The following DDX56 variants were observed in gnomAD, a reference collection of about 807,000 sequenced individuals.
DDX56 encodes the protein DEAD-box helicase 56, also known as probable ATP-dependent RNA helicase DDX56.
Under a neutral mutation model 61.5 loss-of-function variants are expected in DDX56, and 45 were observed. The ratio of observed to expected loss-of-function variants is 0.73; its 90% confidence interval spans 0.58 to 0.94. The LOEUF is 0.94. Among genes scored for constraint, DDX56 ranks in the 40% least tolerant of loss-of-function variants. DDX56 has a pLI of 0.00. For missense variants in DDX56, 708 were observed against 690.7 expected (o/e 1.02, Z -0.28); for synonymous variants, 273 against 268.3 (o/e 1.02, Z -0.17).
intron 5 of DDX56, 31 bp from the exon 6 acceptor site, chr7:44,571,767 A>G (rs1397504139): frequency 1.2e-6 from 2 of 1,611,592 alleles, no homozygotes; most frequent in Non-Finnish European, 1.7e-6. Flanking sequence ...GTGGTCAGAA[A>G]GGAAAAGAAC....
intron 5 of DDX56, 71 bp from the exon 6 acceptor site, chr7:44,571,807 C>T (rs1251444267): frequency 2.4e-5 from 38 of 1,579,830 alleles, no homozygotes; most frequent in South Asian, 5.6e-5. Flanking sequence ...TACTCACCAA[C>T]CAAAGCATCA....
In DDX56 at chr7:44,570,187, C is replaced by T. The variant is rs769585515; in HGVS notation, c.1011-59G>A. ...CCTCTCCTCTGGGCACGTATTCACA[C>T]GCTGAATCAGCAAAACTTCCTCTAA... On this transcript the variant is annotated intron_variant, in intron 7 of 13. Coordinates refer to ENST00000258772, the MANE Select transcript of DDX56 (RefSeq NM_019082.4). The T allele has an allele frequency of 4.5e-5, 71 of 1,585,988 alleles. No individual in the cohort carries two copies. In the Middle Eastern group the frequency reaches 8.6e-4, roughly 19 times the overall value.
chr7:44,566,174 G>A (rs1355621558), intron 13 of DDX56, 95 bp from the exon 14 acceptor site: 48 of 729,594 alleles, frequency 6.6e-5, no homozygotes, highest in African/African-American at 1.0e-4. Context: ...AAAGGGAGCC[G>A]TGCCGGCAAC....
intron 6 of DDX56, among the ~76,000 whole-genome samples, chr7:44,571,098 G>A (rs920760133): frequency 3.3e-5 from 5 of 152,180 alleles, no homozygotes; most frequent in African/African-American, 1.2e-4. Context: ...GAGTGCAATG[G>A]CACGATCTTG....
intron 13 of DDX56, 173 bp downstream of exon 13, chr7:44,566,275 T>C (rs1414577699): frequency 2.8e-6 from 2 of 726,012 alleles, no homozygotes; most frequent in Non-Finnish European, 4.8e-6. Context: ...GCTGCAAAAG[T>C]ACCCCTATCC....
intron 11 of DDX56, 63 bp from the exon 12 acceptor site, chr7:44,568,286 G>T: frequency 8.3e-7 from 1 of 1,204,470 alleles, no homozygotes. Context: ...CACAGACCTA[G>T]CTTTTCAAAG....
intron 11 of DDX56, 21 bp downstream of exon 11, chr7:44,568,882 T>G (rs1174670361): frequency 6.3e-7 from 1 of 1,591,456 alleles, no homozygotes; most frequent in African/African-American, 1.3e-5. Flanking sequence ...TCTATCCCCT[T>G]CTCACCTCCC....
In DDX56 at chr7:44,573,845, C is replaced by T; in HGVS notation, c.51G>A (p.Arg17=). The change falls in exon 1 of 14, where the codon CGG becomes CGA. Residue 17 remains arginine, a synonymous_variant. Coordinates refer to ENST00000258772, the MANE Select transcript of DDX56 (RefSeq NM_019082.4). ...CAGCCCTCGCGTGTACCTGAAGGAG[C>T]CGGGGATCGAGGCCCATGTGTTCGA... ...LGFEHMGLDP[R]LLQAVTDLGW... 2.5e-6 allele frequency: 4 copies of T among 1,613,340 alleles called. No homozygotes were observed. Among genetic ancestry groups the T allele is most frequent in the Middle Eastern group, 1.6e-4 (1 of 6,062 alleles).
chr7:44,571,464 T>G (rs1802667156), intron 6 of DDX56, 28 bp downstream of exon 6: 1 of 1,611,454 alleles, frequency 6.2e-7, no homozygotes, highest in African/African-American at 1.3e-5. Flanking sequence ...TTCAACTTAT[T>G]TCAACCAAGA....
At chr7:44,566,640 C>T (rs1221181539) in intron 12 of DDX56, 116 bp from the exon 13 acceptor site, 4 of 721,730 alleles carry the variant, frequency 5.5e-6, no homozygotes, top group African/African-American at 1.8e-5. Context: ...CTATGACATA[C>T]ATCTATTCAC....
chr7:44,570,746 G>A lies in DDX56; in HGVS notation c.1010+12C>T. 1 of 1,595,170 alleles carries A rather than the reference G, an allele frequency of 6.3e-7. No individual in the cohort carries two copies. Among genetic ancestry groups the A allele is most frequent in the Non-Finnish European group, 8.6e-7 (1 of 1,168,874 alleles). On this transcript the variant is annotated intron_variant, in intron 7 of 13. Coordinates refer to ENST00000258772, the MANE Select transcript of DDX56 (RefSeq NM_019082.4). ...TTTCTGGGGAGGGATGGAAAAAGAGGCATGGACTCACTTGTCCCCTTTGGG... is the reference window on the plus strand; with the variant it reads ...TTTCTGGGGAGGGATGGAAAAAGAGACATGGACTCACTTGTCCCCTTTGGG...
At chr7:44,567,140 A>C (rs1321764960) in intron 12 of DDX56, among the ~76,000 whole-genome samples, 1 of 132,544 alleles carries the variant, frequency 7.5e-6, no homozygotes, top group Non-Finnish European at 1.6e-5. Context: ...CAGGACCTGG[A>C]CTGGGGTCTC....
intron 6 of DDX56, among the ~76,000 whole-genome samples, chr7:44,571,191 A>T (rs1040684809): frequency 1.3e-5 from 2 of 152,180 alleles, no homozygotes; most frequent in African/African-American, 4.8e-5. Flanking sequence ...GGTGCCTGCC[A>T]CCATGTCCAG....
chr7:44,568,997 G>T lies in DDX56; in HGVS notation c.1294-5C>A. 1 of 1,614,012 alleles carries T rather than the reference G, an allele frequency of 6.2e-7. No individual in the cohort carries two copies. Among genetic ancestry groups the T allele is most frequent in the Non-Finnish European group, 8.5e-7 (1 of 1,179,984 alleles). ...AGTCACTGAGCGCATGGCATCCTGG[G>T]GGTGGACACTGAAGGTCAAGACAGT... On this transcript the variant is annotated splice_polypyrimidine_tract_variant and splice_region_variant and intron_variant, in intron 10 of 13. Transcript: ENST00000258772.
rs1802600766 is a variant in DDX56, at chr7:44,568,767, G to A, written c.1383+136C>T. On this transcript the variant is annotated intron_variant, in intron 11 of 13. Coordinates refer to ENST00000258772, the MANE Select transcript of DDX56 (RefSeq NM_019082.4). Reference sequence around the variant, plus strand: ...AGACTGGCTTCCTTCCATGATTCTGGGTCCATTTCCTCCCCTTCCGTGCCA... The same window carrying A: ...AGACTGGCTTCCTTCCATGATTCTGAGTCCATTTCCTCCCCTTCCGTGCCA... 13 of 673,910 alleles carry A rather than the reference G, an allele frequency of 1.9e-5. No homozygotes were observed. The South Asian group carries it at 2.3e-4, about 12-fold the overall frequency. 41.7% of individuals were successfully genotyped at this position (673,910 alleles called of 1,614,324 possible).
Position 44,572,639 on chromosome 7 carries a change from CA to C in DDX56, c.488del (p.Leu163TrpfsTer48). 6.2e-7 allele frequency: 1 copy of C among 1,614,196 alleles called. No homozygotes were observed. Among genetic ancestry groups the C allele is most frequent in the South Asian group, 1.1e-5 (1 of 91,086 alleles). On this transcript the variant is annotated frameshift_variant, in exon 4 of 14. Transcript: ENST00000258772. LOFTEE classifies it high-confidence loss of function. Reference protein sequence around the residue: ...SLKLRDSLELLVVDEADLLFS... With the variant: ...SLKLRDSLELXVVDEADLLFS... Reference sequence around the variant, plus strand: ...AAAGAAGGTCAGCTTCGTCCACCACCAAAAGCTCCAGGGAGTCACGAAGTTT... The same window carrying C: ...AAAGAAGGTCAGCTTCGTCCACCACCAAAGCTCCAGGGAGTCACGAAGTTT...
chr7:44,571,149 C>T (rs1562584627), intron 6 of DDX56, among the ~76,000 whole-genome samples: 1 of 152,236 alleles, frequency 6.6e-6, no homozygotes, highest in African/African-American at 2.4e-5. Context: ...AGCAATTCTC[C>T]TATCTCAGCT....
At chr7:44,569,292 GAAAGCAGC>G in intron 9 of DDX56, 89 bp from the exon 10 acceptor site, 3 of 1,289,136 alleles carry the variant, frequency 2.3e-6, no homozygotes, top group Non-Finnish European at 3.3e-6. Flanking sequence ...CCCCTTGGGG[GAAAGCAGC>G]AGGGGACCCA....
At chr7:44,570,379 T>C (rs779528021) in intron 7 of DDX56, among the ~76,000 whole-genome samples, 10 of 152,214 alleles carry the variant, frequency 6.6e-5, no homozygotes, top group Non-Finnish European at 1.2e-4. Context: ...CATGGTGATC[T>C]GAAAACCAAC....
Sources: gnomAD v4.1 joint callset for allele counts (sites outside exome capture counted in the v4.1 genomes callset) on GRCh38, gnomAD v4.1.1 for gene constraint, MANE v1.5 for transcripts, NCBI Gene and HGNC (gene_info 2026-07-23, HGNC 2026-07-21) for gene names.